Variants in CDH6 observed in about 807,000 individuals in gnomAD.
CDH6 encodes cadherin 6.
Under a neutral mutation model 78.0 loss-of-function variants are expected in CDH6, and 31 were observed. That is an observed-to-expected ratio of 0.40 (90% confidence interval 0.30 to 0.54). The LOEUF is 0.54. CDH6 is among the 20% of genes least tolerant of loss of function. CDH6 has a pLI of 0.56. For missense variants in CDH6, 724 were observed against 975.9 expected (o/e 0.74, Z 3.44); for synonymous variants, 376 against 368.8 (o/e 1.02, Z -0.23).
At chr5:31,264,232 T>C (rs1742282465) in intron 1 of CDH6, among the ~76,000 whole-genome samples, 1 of 152,280 alleles carries the variant, frequency 6.6e-6, no homozygotes, top group Non-Finnish European at 1.5e-5. Context: ...ATCAATAAAC[T>C]ATCTTCTGCA....
At chr5:31,266,181 G>T (rs1742348648) in intron 1 of CDH6, among the ~76,000 whole-genome samples, 1 of 151,952 alleles carries the variant, frequency 6.6e-6, no homozygotes, top group Non-Finnish European at 1.5e-5. Flanking sequence ...GGCATATATG[G>T]CTTTAATTGC....
intron 1 of CDH6, among the ~76,000 whole-genome samples, chr5:31,239,771 GCTGT>G (rs1022333200): frequency 1.3e-5 from 2 of 152,158 alleles, no homozygotes; most frequent in African/African-American, 4.8e-5. Context: ...TTGCACAAAG[GCTGT>G]CTATTAGAAG....
rs1737513293 is a variant in CDH6, at chr5:31,294,240, T to C, written c.507T>C (p.Pro169=). ...FTKEVYTATV[P]EMSDVGTFVV... ...AGGAGGTTTACACAGCCACTGTCCC[T>C]GAAATGTCTGATGTCGGTGAGTGAG... Residue 169 remains proline (P), a synonymous_variant, in exon 3 of 12, where the codon CCT becomes CCC. Coordinates refer to ENST00000265071, the MANE Select transcript of CDH6 (RefSeq NM_004932.4). The surrounding 1 kb of genome is among the most constrained non-coding windows in gnomAD (Gnocchi z 4.1). 6 of 1,612,598 alleles carry C rather than the reference T, an allele frequency of 3.7e-6. No homozygotes were observed. Among genetic ancestry groups the C allele is most frequent in the Non-Finnish European group, 4.2e-6 (5 of 1,179,118 alleles).
At position 31,267,680 on chromosome 5, in the gene CDH6, C is replaced by G. The variant is rs752299718; in HGVS notation, c.207C>G (p.Ser69=). Residue 69 remains serine (S), a synonymous_variant, in exon 2 of 12, where the codon TCC becomes TCG. Transcript: ENST00000265071. ...TTCTCCTGGAGGAATACACAGGATC[C>G]GATTATCAGTATGTGGGCAAGGTAG... ...QFFLLEEYTG[S]DYQYVGKLHS... The G allele has an allele frequency of 6.2e-7, 1 of 1,613,482 alleles. No individual in the cohort carries two copies. Among genetic ancestry groups the G allele is most frequent in the Non-Finnish European group, 8.5e-7 (1 of 1,179,494 alleles).
At chr5:31,311,264 C>T (rs188141478) in intron 7 of CDH6, among the ~76,000 whole-genome samples, 1 of 152,322 alleles carries the variant, frequency 6.6e-6, no homozygotes, top group East Asian at 1.9e-4. Flanking sequence ...AGAGGCAAAA[C>T]ACCACCAGTC....
intron 1 of CDH6, among the ~76,000 whole-genome samples, chr5:31,199,723 G>C (rs1195719973): frequency 1.3e-5 from 1 of 74,132 alleles, no homozygotes; most frequent in African/African-American, 4.2e-5. Flanking sequence ...ATATCTCAAA[G>C]ATAAAAAGCA....
chr5:31,294,335 G>A lies in CDH6; in HGVS notation c.523+79G>A, dbSNP rs976322903. On this transcript the variant is annotated intron_variant, in intron 3 of 11. Transcript: ENST00000265071. This position sits in a 1 kb window ranked among gnomAD's most constrained non-coding sequence, Gnocchi z 4.1. ...GAGTAAGGAATCCCACGAGCTCAAA[G>A]TACTGAACTGCATGAATTTAGATGC... is the stretch of plus-strand genomic sequence containing the variant. 8.9e-5 allele frequency: 100 copies of A among 1,123,444 alleles called. No homozygotes were observed. The highest frequency in any genetic ancestry group is 3.4e-4 in the South Asian group (23 of 68,580). 69.6% of individuals were successfully genotyped at this position (1,123,444 alleles called of 1,614,324 possible).
At chr5:31,251,426 C>G (rs1453162306) in intron 1 of CDH6, 1 of 152,332 alleles carries the variant, frequency 6.6e-6, no homozygotes, top group African/African-American at 2.4e-5. Flanking sequence ...GGCGAGGACA[C>G]TAGGTCTAAG....
chr5:31,312,737 C>A (rs985536384), intron 7 of CDH6, among the ~76,000 whole-genome samples: 4 of 151,966 alleles, frequency 2.6e-5, no homozygotes, highest in African/African-American at 9.7e-5. Flanking sequence ...TGGGTAGATT[C>A]GCATTGCATC....
chr5:31,271,470 C>T (rs141397119), intron 2 of CDH6, among the ~76,000 whole-genome samples: 23 of 152,128 alleles, frequency 1.5e-4, no homozygotes, highest in African/African-American at 4.8e-4. Flanking sequence ...TGCAGAGACA[C>T]GGACAAGACA....
At chr5:31,257,919 T>C (rs1023316270) in intron 1 of CDH6, among the ~76,000 whole-genome samples, 1 of 152,142 alleles carries the variant, frequency 6.6e-6, no homozygotes, top group African/African-American at 2.4e-5. Flanking sequence ...TCTAGGTTAG[T>C]TGGGTTTTAT....
Position 31,195,640 on chromosome 5 carries a change from C to T in CDH6, c.-129+1754C>T, listed in dbSNP as rs543300432. On this transcript the variant is annotated intron_variant, in intron 1 of 11. Transcript: ENST00000265071. ...GCTTGAGCAGATGTCTTCATTATGT[C>T]ATAACCAGGAGGGTAAAGTTTATGC... Among the ~76,000 whole-genome samples the T allele has an allele frequency of 2.0e-5, 3 of 152,260 alleles. No individual in the cohort carries two copies. The South Asian group carries it at 6.2e-4, about 32-fold the overall frequency.
At chr5:31,302,808 G>GAAAGAA (rs1737827049) in intron 6 of CDH6, among the ~76,000 whole-genome samples, 1 of 108,356 alleles carries the variant, frequency 9.2e-6, no homozygotes, top group Non-Finnish European at 1.9e-5. Flanking sequence ...GAGAAAGAAA[G>GAAAGAA]AAAGAAAGAA....
At chr5:31,302,818 A>G (rs375823454) in intron 6 of CDH6, among the ~76,000 whole-genome samples, 1 of 142,212 alleles carries the variant, frequency 7.0e-6, no homozygotes, top group South Asian at 2.3e-4. Flanking sequence ...GAAAGAAAGA[A>G]AGAAAGAAAG....
At chr5:31,251,758 T>C (rs1003270105) in intron 1 of CDH6, 2 of 152,212 alleles carry the variant, frequency 1.3e-5, no homozygotes, top group African/African-American at 4.8e-5. Context: ...AGCATATGAA[T>C]GTTACTCTTC....
chr5:31,322,032 G>GA (rs1368648522), intron 11 of CDH6, among the ~76,000 whole-genome samples: 11 of 152,028 alleles, frequency 7.2e-5, no homozygotes, highest in Non-Finnish European at 1.0e-4. Context: ...AGTTAGGAGG[G>GA]AAAAAATCAA....
intron 1 of CDH6, among the ~76,000 whole-genome samples, chr5:31,203,234 T>A (rs1267504529): frequency 2.6e-5 from 1 of 38,308 alleles, no homozygotes; most frequent in Admixed American, 3.1e-4. Context: ...AGGCAGGTCC[T>A]TTTTTTTTTT....
chr5:31,307,994 A>G (rs184435447), intron 7 of CDH6, among the ~76,000 whole-genome samples: 1 of 152,252 alleles, frequency 6.6e-6, no homozygotes, highest in Non-Finnish European at 1.5e-5. Flanking sequence ...TAGATTTAAG[A>G]CTAGAAATAC....
chr5:31,209,651 T>C (rs1740638251), intron 1 of CDH6, among the ~76,000 whole-genome samples: 1 of 152,210 alleles, frequency 6.6e-6, no homozygotes, highest in East Asian at 1.9e-4. Context: ...CTTTGGACTA[T>C]GAGTAAGAGA....
Sources: gnomAD v4.1 joint callset for allele counts (sites outside exome capture counted in the v4.1 genomes callset) on GRCh38, gnomAD v4.1.1 for gene constraint, Gnocchi (gnomAD v3.1) non-coding constraint, MANE v1.5 for transcripts, NCBI Gene and HGNC (gene_info 2026-07-23, HGNC 2026-07-21) for gene names.